Variants in TASP1 observed in about 807,000 individuals in gnomAD.
TASP1 encodes threonine aspartase 1.
TASP1 carries 16 observed loss-of-function variants against 56.6 expected under a neutral mutation model. The ratio of observed to expected loss-of-function variants is 0.28; its 90% CI spans 0.19 to 0.43. TASP1 has a LOEUF of 0.43. TASP1 is among the 20% of genes least tolerant of loss of function. TASP1 has a pLI of 1.00. For synonymous variants in TASP1, 179 were observed against 184.2 expected (o/e 0.97, Z 0.23); for missense variants, 393 against 511.6 (o/e 0.77, Z 2.24).
the TASP1 span, among the ~76,000 whole-genome samples, chr20:13,189,165 T>C: frequency 6.6e-6 from 1 of 152,242 alleles, no homozygotes; most frequent in South Asian, 2.1e-4. Flanking sequence ...TTAAATTTAA[T>C]TTGGCTGAAG....
chr20:13,134,123 C>G, the TASP1 span, among the ~76,000 whole-genome samples: 1 of 152,210 alleles, frequency 6.6e-6, no homozygotes, highest in South Asian at 2.1e-4. Flanking sequence ...ACAGGTGCAG[C>G]TACCATATAA....
chr20:13,214,519 GCA>G, the TASP1 span, among the ~76,000 whole-genome samples: 3,787 of 115,528 alleles, frequency 0.033, 59 homozygotes, highest in Middle Eastern at 0.07. Context: ...ACAGAGACAG[GCA>G]CACACACACA....
At chr20:13,408,815 C>T (rs1427402689) in intron 13 of TASP1, among the ~76,000 whole-genome samples, 3 of 152,086 alleles carry the variant, frequency 2.0e-5, no homozygotes, top group Non-Finnish European at 4.4e-5. Context: ...TCGGTGAATG[C>T]ATTACTATTT....
intron 2 of TASP1, among the ~76,000 whole-genome samples, chr20:13,625,732 A>C (rs1256283768): frequency 6.6e-6 from 1 of 152,208 alleles, no homozygotes; most frequent in African/African-American, 2.4e-5. Context: ...GGTGTCTTAC[A>C]TCTCGCATGT....
rs1366357823 is a variant in TASP1 at position 13,544,400 on chromosome 20, G to T, written c.676-10259C>A. The stretch of plus-strand genomic sequence containing the variant: ...CTAACTTTGTTTTTCCCACTGGAGA[G>T]CTGGTCATCCTTCACTGTAATCAGT... On this transcript the variant is annotated intron_variant, in intron 8 of 13. Coordinates refer to ENST00000337743, the MANE Select transcript of TASP1 (RefSeq NM_017714.3). 5.9e-5 allele frequency among the ~76,000 whole-genome samples: 9 copies of T among 152,200 alleles called. No individual in the cohort carries two copies. The East Asian group carries it at 1.5e-3, about 26-fold the overall frequency.
At chr20:13,187,240 T>C in the TASP1 span, among the ~76,000 whole-genome samples, 1 of 151,084 alleles carries the variant, frequency 6.6e-6, no homozygotes, top group South Asian at 2.1e-4. Context: ...TTAAGAAAAA[T>C]TTCAAAAGGT....
chr20:13,444,161 A>C (rs769273705), intron 11 of TASP1, among the ~76,000 whole-genome samples: 2 of 152,170 alleles, frequency 1.3e-5, no homozygotes, highest in African/African-American at 2.4e-5. Flanking sequence ...ACCCACAAGC[A>C]CAACCAGCAT....
rs2042955998 is a variant in TASP1, at chr20:13,435,088, C to T, written c.1052G>A (p.Cys351Tyr). 1.9e-6 allele frequency: 3 copies of T among 1,611,128 alleles called. No homozygotes were observed. The highest frequency in any genetic ancestry group is 2.2e-5 in the East Asian group (1 of 44,670). The change falls in exon 12 of 14, where the codon TGT becomes TAT. Residue 351 changes from cysteine (C) to tyrosine (Y), a missense_variant. This residue lies in a region of TASP1 where 293 missense variants were observed against 354.2 expected (regional missense o/e 0.83). Coordinates refer to ENST00000337743, the MANE Select transcript of TASP1 (RefSeq NM_017714.3). ...TTGGGAGGAGTCAGGCTCGGCAGAA[C>T]ATCTGCATGAACGGAGGACAATCAC... ...GGVIVLRSCR[C>Y]SAEPDSSQNK...
chr20:13,253,125 C>T, the TASP1 span, among the ~76,000 whole-genome samples: 1 of 152,188 alleles, frequency 6.6e-6, no homozygotes, highest in Admixed American at 6.5e-5. Context: ...GCTACCCAAG[C>T]AGACCTGGCA....
the TASP1 span, among the ~76,000 whole-genome samples, chr20:13,241,484 T>G: frequency 6.6e-6 from 1 of 152,114 alleles, no homozygotes; most frequent in Non-Finnish European, 1.5e-5. Context: ...GGGCTATGTG[T>G]GAGCATTGGC....
chr20:13,204,895 G>C, the TASP1 span, among the ~76,000 whole-genome samples: 1 of 152,058 alleles, frequency 6.6e-6, no homozygotes, highest in Non-Finnish European at 1.5e-5. Context: ...GAAATTGTCT[G>C]CAGAGGGCTG....
intron 11 of TASP1, among the ~76,000 whole-genome samples, chr20:13,435,798 C>A (rs896546177): frequency 7.2e-5 from 11 of 152,094 alleles, no homozygotes; most frequent in Non-Finnish European, 2.9e-5. Flanking sequence ...AAACATCTGG[C>A]ATAGCAAGTG....
chr20:13,194,238 A>G, the TASP1 span, among the ~76,000 whole-genome samples: 50 of 152,278 alleles, frequency 3.3e-4, no homozygotes, highest in African/African-American at 1.2e-3. Flanking sequence ...TCTCTGAGCT[A>G]TATCTGGAGT....
chr20:13,269,369 TG>T, the TASP1 span, among the ~76,000 whole-genome samples: 3 of 152,194 alleles, frequency 2.0e-5, no homozygotes, highest in Non-Finnish European at 4.4e-5. Context: ...GATAAAGAAA[TG>T]GTGACATTTT....
At chr20:13,489,759 T>C (rs527787597) in intron 10 of TASP1, among the ~76,000 whole-genome samples, 1 of 152,312 alleles carries the variant, frequency 6.6e-6, no homozygotes, top group South Asian at 2.1e-4. Context: ...CTATCATAAA[T>C]AATATAAAAT....
chr20:13,629,364 C>CAAA (rs1218111399), intron 2 of TASP1, among the ~76,000 whole-genome samples: 3 of 52,006 alleles, frequency 5.8e-5, no homozygotes, highest in Admixed American at 2.2e-4. Context: ...AACTCCATCT[C>CAAA]AAAAAAAAAA....
At chr20:13,614,038 G>A (rs1210675526) in intron 4 of TASP1, among the ~76,000 whole-genome samples, 1 of 152,088 alleles carries the variant, frequency 6.6e-6, no homozygotes, top group East Asian at 1.9e-4. Flanking sequence ...TGCACTGGCT[G>A]CTTTACAGAC....
intron 1 of TASP1, among the ~76,000 whole-genome samples, chr20:13,635,185 C>T (rs1383200338): frequency 6.6e-6 from 1 of 151,366 alleles, no homozygotes; most frequent in African/African-American, 2.4e-5. Flanking sequence ...TTAAGCTGTT[C>T]GAAAAAAAAG....
intron 11 of TASP1, among the ~76,000 whole-genome samples, chr20:13,447,592 A>C (rs1040766553): frequency 6.6e-6 from 1 of 152,124 alleles, no homozygotes; most frequent in Non-Finnish European, 1.5e-5. Context: ...TGGAACAGCT[A>C]TCTTGTTCTC....
Sources: gnomAD v4.1 joint callset for allele counts (sites outside exome capture counted in the v4.1 genomes callset) on GRCh38, gnomAD v4.1.1 for gene constraint, gnomAD v4.1.1 regional missense constraint, MANE v1.5 for transcripts, NCBI Gene and HGNC (gene_info 2026-07-23, HGNC 2026-07-21) for gene names.